The following CCDC73 variants were observed in gnomAD, a reference collection of about 807,000 sequenced individuals.
CCDC73 encodes coiled-coil domain containing 73.
In CCDC73, 95 loss-of-function variants were observed where a neutral mutation model predicts 116.5. That is an observed-to-expected ratio of 0.82 (90% CI 0.69 to 0.97). The LOEUF is 0.97. Ranked by LOEUF, CCDC73 falls within the 50% of genes least tolerant of loss-of-function variation. The pLI is 0.00. For synonymous variants in CCDC73, 398 were observed against 401.3 expected (o/e 0.99, Z 0.10); for missense variants, 1,066 against 1,206.8 (o/e 0.88, Z 1.73).
At chr11:32,823,548 A>G in the CCDC73 span, among the ~76,000 whole-genome samples, 1 of 152,110 alleles carries the variant, frequency 6.6e-6, no homozygotes, top group African/African-American at 2.4e-5. Context: ...TGGCAGAGCT[A>G]AAACAGGGAA....
intron 2 of CCDC73, among the ~76,000 whole-genome samples, chr11:32,722,855 T>A (rs1206054065): frequency 6.6e-6 from 1 of 152,204 alleles, no homozygotes; most frequent in East Asian, 1.9e-4. Flanking sequence ...TATAATGAGG[T>A]AGGTTCTCTT....
chr11:32,640,486 T>C (rs527847224), intron 13 of CCDC73, among the ~76,000 whole-genome samples: 3 of 152,164 alleles, frequency 2.0e-5, no homozygotes, highest in Non-Finnish European at 4.4e-5. Context: ...ATAGCACCAT[T>C]TCCATGGGCT....
rs746566241 is a variant in CCDC73 at position 32,613,701 on chromosome 11, G to A, written c.2617C>T (p.Pro873Ser). 6.2e-7 allele frequency: 1 copy of A among 1,613,990 alleles called. No individual in the cohort carries two copies. Among genetic ancestry groups the A allele is most frequent in the Non-Finnish European group, 8.5e-7 (1 of 1,179,972 alleles). Residue 873 changes from proline to serine, a missense_variant, in exon 16 of 18, where the codon CCA (proline) becomes TCA (serine). Coordinates refer to ENST00000335185, the MANE Select transcript of CCDC73 (RefSeq NM_001008391.4). ...CTTCTGTTTACTAAATCTCCAGATG[G>A]CTCTATGTGAAATGAATGTGATTCC... ...LEESHSFHIEPSGDLVNRSGR... is the reference protein window; with the variant it reads ...LEESHSFHIESSGDLVNRSGR...
At chr11:32,730,276 T>C (rs1029447887) in intron 2 of CCDC73, among the ~76,000 whole-genome samples, 2 of 152,250 alleles carry the variant, frequency 1.3e-5, no homozygotes, top group African/African-American at 4.8e-5. Flanking sequence ...CAATACCTAG[T>C]AATCACTGAT....
the CCDC73 span, chr11:32,830,162 G>C: frequency 4.9e-6 from 5 of 1,022,366 alleles, 1 homozygote; most frequent in South Asian, 9.1e-5. Flanking sequence ...GAACATGTGC[G>C]GGGGGACACA....
intron 1 of CCDC73, among the ~76,000 whole-genome samples, chr11:32,774,194 C>T (rs538493404): frequency 6.6e-6 from 1 of 152,278 alleles, no homozygotes; most frequent in East Asian, 1.9e-4. Context: ...GGAAGGAGAC[C>T]TGGAAAGGTT....
intron 1 of CCDC73, among the ~76,000 whole-genome samples, chr11:32,785,483 C>T (rs1395938516): frequency 6.6e-6 from 1 of 152,112 alleles, no homozygotes; most frequent in Non-Finnish European, 1.5e-5. Flanking sequence ...CTCACTGAAG[C>T]CTTGACCTCC....
intron 3 of CCDC73, among the ~76,000 whole-genome samples, chr11:32,704,478 G>C (rs555692252): frequency 6.6e-6 from 1 of 152,328 alleles, no homozygotes; most frequent in African/African-American, 2.4e-5. Flanking sequence ...GAAACTTAGG[G>C]CACCAATGAG....
At chr11:32,732,628 A>C (rs1850089736) in intron 2 of CCDC73, among the ~76,000 whole-genome samples, 1 of 152,234 alleles carries the variant, frequency 6.6e-6, no homozygotes, top group Non-Finnish European at 1.5e-5. Flanking sequence ...ATTCTTAAAA[A>C]AAAGAATATT....
At chr11:32,795,699 T>TC (rs1227779877), upstream of CCDC73, among the ~76,000 whole-genome samples, 7 of 152,056 alleles carry the variant, frequency 4.6e-5, no homozygotes, top group Middle Eastern at 6.8e-3. Context: ...AATTTTTTTT[T>TC]TTTTTTTGAG....
intron 1 of CCDC73, among the ~76,000 whole-genome samples, chr11:32,764,906 G>A (rs958683686): frequency 9.9e-5 from 15 of 152,088 alleles, no homozygotes; most frequent in African/African-American, 3.6e-4. Context: ...TCAAAATAAA[G>A]GGATGGAGGA....
chr11:32,642,436 T>C (rs1855741755), intron 12 of CCDC73, among the ~76,000 whole-genome samples: 1 of 151,988 alleles, frequency 6.6e-6, no homozygotes, highest in South Asian at 2.1e-4. Flanking sequence ...GAAATTTAAC[T>C]ACCATAGAAC....
At chr11:32,733,490 T>A (rs975627393) in intron 2 of CCDC73, among the ~76,000 whole-genome samples, 1 of 152,148 alleles carries the variant, frequency 6.6e-6, no homozygotes, top group Non-Finnish European at 1.5e-5. Flanking sequence ...CACATCACAC[T>A]TATTCCAAAA....
chr11:32,610,303 G>A (rs1253987089), intron 17 of CCDC73, among the ~76,000 whole-genome samples: 1 of 152,110 alleles, frequency 6.6e-6, no homozygotes, highest in African/African-American at 2.4e-5. Context: ...TGATTTGGGT[G>A]GGGACAAAGC....
rs115253481 is a variant in CCDC73, at chr11:32,718,767, G to C, written c.136-620C>G. Among the ~76,000 whole-genome samples the C allele has an allele frequency of 7.2e-3, 1,091 of 152,240 alleles. 17 individuals carry two copies. The highest frequency in any genetic ancestry group is 0.025 in the African/African-American group (1,052 of 41,542). Reference sequence around the variant, plus strand: ...AAGTCATCACTAAAAATTCTACCTAGGCAGACCTATCTTCCTTATCTCCTC... The same window carrying C: ...AAGTCATCACTAAAAATTCTACCTACGCAGACCTATCTTCCTTATCTCCTC... On this transcript the variant is annotated intron_variant, in intron 2 of 17. Coordinates refer to ENST00000335185, the MANE Select transcript of CCDC73 (RefSeq NM_001008391.4).
chr11:32,697,780 T>C (rs1431280447), intron 6 of CCDC73, among the ~76,000 whole-genome samples: 1 of 152,060 alleles, frequency 6.6e-6, no homozygotes, highest in Non-Finnish European at 1.5e-5. Flanking sequence ...CCTTTCTTTT[T>C]TCATGACACT....
At chr11:32,758,348 T>G (rs1253913452) in intron 2 of CCDC73, 1 of 505,318 alleles carries the variant, frequency 2.0e-6, no homozygotes, top group African/African-American at 1.9e-5. Context: ...AAACCCCTGG[T>G]AATAGAATTG....
At chr11:32,829,898 G>A in the CCDC73 span, 4 of 985,382 alleles carry the variant, frequency 4.1e-6, no homozygotes, top group Non-Finnish European at 4.8e-6. Context: ...GCGCGGCCAG[G>A]TGTCCCCAGG....
the CCDC73 span, among the ~76,000 whole-genome samples, chr11:32,821,710 A>C: frequency 1.2e-3 from 181 of 152,226 alleles, no homozygotes; most frequent in Non-Finnish European, 1.8e-3. Flanking sequence ...ATGATTAAGT[A>C]AATTCAAATG....
Sources: allele counts gnomAD v4.1 joint callset (sites outside exome capture counted in the v4.1 genomes callset), GRCh38; gene constraint gnomAD v4.1.1; transcripts MANE v1.5; gene names NCBI Gene and HGNC (gene_info 2026-07-23, HGNC 2026-07-21).